Variants in NSMCE2 observed in about 807,000 individuals in gnomAD.
NSMCE2 encodes the protein NSE2 SUMO ligase component of SMC5/6 complex, also known as E3 SUMO-protein ligase NSE2.
NSMCE2 carries 24 observed loss-of-function variants against 23.8 expected under a neutral mutation model. That is an observed-to-expected ratio of 1.01 (90% confidence interval 0.73 to 1.42). NSMCE2 has a LOEUF of 1.42. NSMCE2 is among the 40% of genes most tolerant of loss of function. The pLI, the probability that NSMCE2 is intolerant of heterozygous loss-of-function variation, is 0.00. For missense variants in NSMCE2, 284 were observed against 296.5 expected, an observed-to-expected ratio of 0.96 and a Z score of 0.31; for synonymous variants, 92 against 94.1, an observed-to-expected ratio of 0.98 and a Z score of 0.13.
chr8:125,297,869 A>C (rs1828391458), intron 5 of NSMCE2, among the ~76,000 whole-genome samples: 1 of 152,100 alleles, frequency 6.6e-6, no homozygotes, highest in Non-Finnish European at 1.5e-5. Flanking sequence ...ACAATATGCA[A>C]AGCAATTATG....
At chr8:125,223,474 A>G (rs563098763) in intron 5 of NSMCE2, among the ~76,000 whole-genome samples, 1 of 152,258 alleles carries the variant, frequency 6.6e-6, no homozygotes, top group South Asian at 2.1e-4. Context: ...TGACATACCA[A>G]TTTCATTTCA....
intron 3 of NSMCE2, among the ~76,000 whole-genome samples, chr8:125,102,721 G>A (rs774246775): frequency 9.9e-5 from 15 of 152,078 alleles, no homozygotes; most frequent in Non-Finnish European, 1.9e-4. Flanking sequence ...AAATGTATGG[G>A]CAAAGATTTG....
At chr8:125,216,362 G>A (rs928270808) in intron 5 of NSMCE2, among the ~76,000 whole-genome samples, 2 of 152,236 alleles carry the variant, frequency 1.3e-5, no homozygotes, top group East Asian at 1.9e-4. Context: ...CTGTGGGTCC[G>A]GGCGCGATGG....
At chr8:125,345,473 C>T (rs889710578) in intron 5 of NSMCE2, among the ~76,000 whole-genome samples, 4 of 152,190 alleles carry the variant, frequency 2.6e-5, no homozygotes, top group African/African-American at 9.7e-5. Context: ...AGCAACCATT[C>T]GTTTATGAAG....
At chr8:125,264,295 G>T (rs1283064258) in intron 5 of NSMCE2, among the ~76,000 whole-genome samples, 2 of 152,138 alleles carry the variant, frequency 1.3e-5, no homozygotes, top group Non-Finnish European at 2.9e-5. Context: ...CTTTAAAAAG[G>T]TTATAACCCT....
intron 5 of NSMCE2, among the ~76,000 whole-genome samples, chr8:125,311,264 GA>G (rs1349904359): frequency 6.6e-6 from 1 of 152,160 alleles, no homozygotes; most frequent in African/African-American, 2.4e-5. Flanking sequence ...AATACTGGAT[GA>G]AATTAGACAC....
intron 5 of NSMCE2, among the ~76,000 whole-genome samples, chr8:125,241,622 C>T (rs1349979612): frequency 2.0e-5 from 3 of 152,136 alleles, no homozygotes; most frequent in African/African-American, 7.2e-5. Flanking sequence ...TGATCTGTAA[C>T]TGAAAAAGAT....
intron 3 of NSMCE2, among the ~76,000 whole-genome samples, chr8:125,133,640 A>G (rs1327497785): frequency 6.6e-6 from 1 of 152,042 alleles, no homozygotes; most frequent in Non-Finnish European, 1.5e-5. Flanking sequence ...GCTACTCTGG[A>G]GGCTAAGGCA....
At chr8:125,210,336 A>G (rs1395050777) in intron 5 of NSMCE2, among the ~76,000 whole-genome samples, 1 of 152,170 alleles carries the variant, frequency 6.6e-6, no homozygotes, top group Non-Finnish European at 1.5e-5. Flanking sequence ...ATATATGCTA[A>G]TCATGTTTTT....
chr8:125,104,241 T>G (rs1563651669), intron 3 of NSMCE2, among the ~76,000 whole-genome samples: 1 of 152,212 alleles, frequency 6.6e-6, no homozygotes, highest in East Asian at 1.9e-4. Context: ...CCGCCTGCCT[T>G]GGCCTTCCAA....
intron 3 of NSMCE2, among the ~76,000 whole-genome samples, chr8:125,150,913 C>T (rs748840790): frequency 6.6e-6 from 1 of 152,152 alleles, no homozygotes; most frequent in Admixed American, 6.5e-5. Flanking sequence ...CAAGTCTTTT[C>T]TTCTTTCCAA....
At chr8:125,140,589 C>T (rs1379518962) in intron 3 of NSMCE2, among the ~76,000 whole-genome samples, 1 of 151,840 alleles carries the variant, frequency 6.6e-6, no homozygotes, top group Non-Finnish European at 1.5e-5. Flanking sequence ...GAAGAGGTTG[C>T]AGTGAGCCGA....
intron 5 of NSMCE2, among the ~76,000 whole-genome samples, chr8:125,283,876 G>A (rs78564432): frequency 0.07 from 10,586 of 152,010 alleles, 417 homozygotes; most frequent in Non-Finnish European, 0.085. Context: ...CAAGTAGGCC[G>A]GGCGCAGTGG....
At chr8:125,184,207 C>T (rs973095335) in intron 5 of NSMCE2, among the ~76,000 whole-genome samples, 7 of 151,990 alleles carry the variant, frequency 4.6e-5, no homozygotes, top group African/African-American at 1.7e-4. Context: ...TAAATTGTTC[C>T]TTCTTTTGTT....
At chr8:125,264,465 G>A (rs1479297876) in intron 5 of NSMCE2, among the ~76,000 whole-genome samples, 1 of 152,128 alleles carries the variant, frequency 6.6e-6, no homozygotes, top group East Asian at 1.9e-4. Flanking sequence ...GGAATGCAAT[G>A]GCGCGAGCTC....
chr8:125,338,010 A>G (rs1387296427), intron 5 of NSMCE2, among the ~76,000 whole-genome samples: 2 of 152,098 alleles, frequency 1.3e-5, no homozygotes, highest in Non-Finnish European at 2.9e-5. Flanking sequence ...AATGTTGATA[A>G]TGATTGAAAG....
At chr8:125,306,540 C>T (rs991225171) in intron 5 of NSMCE2, among the ~76,000 whole-genome samples, 3 of 152,146 alleles carry the variant, frequency 2.0e-5, no homozygotes, top group African/African-American at 7.2e-5. Flanking sequence ...AATGTATACA[C>T]TGAAATTTCT....
chr8:125,109,892 G>A (rs1242066905), intron 3 of NSMCE2, among the ~76,000 whole-genome samples: 1 of 151,930 alleles, frequency 6.6e-6, no homozygotes, highest in African/African-American at 2.4e-5. Context: ...GACCTAACTG[G>A]GAAATGAAAT....
At chr8:125,248,417 T>G (rs565279130) in intron 5 of NSMCE2, among the ~76,000 whole-genome samples, 1 of 152,268 alleles carries the variant, frequency 6.6e-6, no homozygotes, top group Non-Finnish European at 1.5e-5. Context: ...ATTAATATCA[T>G]CAGGCTAAGG....
Sources: allele counts gnomAD v4.1 joint callset (sites outside exome capture counted in the v4.1 genomes callset), GRCh38; gene constraint gnomAD v4.1.1; transcripts MANE v1.5; gene names NCBI Gene and HGNC (gene_info 2026-07-23, HGNC 2026-07-21).